CHSY3: variants seen among roughly 807,000 people sequenced by gnomAD.
CHSY3 encodes the protein chondroitin sulfate synthase 3.
CHSY3 carries 35 observed loss-of-function variants against 67.2 expected under a neutral mutation model. The observed-to-expected ratio is 0.52, with a 90% CI of 0.40 to 0.69. The LOEUF (loss-of-function observed/expected upper bound fraction) is 0.69. Ranked by LOEUF, CHSY3 falls within the 30% of genes least tolerant of loss-of-function variation. The probability of loss-of-function intolerance (pLI) is 0.00; values close to 1 mark genes in which losing one functional copy is unlikely to be tolerated. For synonymous variants in CHSY3, 474 were observed against 434.7 expected (o/e 1.09, Z -1.12); for missense variants, 1,069 against 1,138.5 (o/e 0.94, Z 0.88).
intron 2 of CHSY3, among the ~76,000 whole-genome samples, chr5:130,070,574 T>C (rs1766029141): frequency 6.6e-6 from 1 of 152,126 alleles, no homozygotes; most frequent in Non-Finnish European, 1.5e-5. Flanking sequence ...CATAATGCAG[T>C]ATTGAAATAT....
intron 2 of CHSY3, among the ~76,000 whole-genome samples, chr5:129,930,644 T>C (rs1702491244): frequency 6.6e-6 from 1 of 151,766 alleles, no homozygotes; most frequent in Admixed American, 6.6e-5. Context: ...ACATCAAAGC[T>C]GTAGATGAGG....
chr5:130,147,608 A>T (rs928972524), intron 2 of CHSY3, among the ~76,000 whole-genome samples: 2 of 152,148 alleles, frequency 1.3e-5, no homozygotes, highest in African/African-American at 4.8e-5. Context: ...TTACAAAGAA[A>T]ATAAATTTAA....
chr5:130,133,771 T>TAAAAAAAA (rs758023976), intron 2 of CHSY3, among the ~76,000 whole-genome samples: 14 of 58,116 alleles, frequency 2.4e-4, no homozygotes, highest in African/African-American at 1.1e-3. Flanking sequence ...GACTCCGTCT[T>TAAAAAAAA]AAAAAAAAAA....
intron 2 of CHSY3, among the ~76,000 whole-genome samples, chr5:130,127,206 A>G (rs138073734): frequency 1.3e-5 from 2 of 152,240 alleles, no homozygotes; most frequent in Non-Finnish European, 2.9e-5. Flanking sequence ...TCTTGAGCCA[A>G]TCATCATAGA....
intron 2 of CHSY3, among the ~76,000 whole-genome samples, chr5:130,079,521 G>T (rs190194431): frequency 6.6e-6 from 1 of 152,152 alleles, no homozygotes; most frequent in African/African-American, 2.4e-5. Context: ...GAATGCTGTC[G>T]TATGTAGAGT....
chr5:129,993,596 A>G (rs968747059), intron 2 of CHSY3, among the ~76,000 whole-genome samples: 13 of 151,896 alleles, frequency 8.6e-5, no homozygotes, highest in East Asian at 1.9e-4. Context: ...TTTTGAGCCT[A>G]TGTGTGTCTC....
intron 2 of CHSY3, among the ~76,000 whole-genome samples, chr5:130,059,098 G>A (rs559394080): frequency 9.2e-5 from 14 of 152,234 alleles, no homozygotes; most frequent in African/African-American, 3.4e-4. Flanking sequence ...TTATGAGAAA[G>A]CAGATTATCT....
chr5:130,154,905 C>A (rs1293778881), intron 2 of CHSY3, among the ~76,000 whole-genome samples: 1 of 152,140 alleles, frequency 6.6e-6, no homozygotes, highest in African/African-American at 2.4e-5. Flanking sequence ...GCATCCAGAT[C>A]ACCTGGGGAT....
chr5:130,179,038 G>A (rs1209881716), intron 2 of CHSY3, among the ~76,000 whole-genome samples: 1 of 152,140 alleles, frequency 6.6e-6, no homozygotes. Flanking sequence ...CAATTATAGT[G>A]TCCTCCACTT....
intron 2 of CHSY3, among the ~76,000 whole-genome samples, chr5:130,172,000 G>A (rs555287373): frequency 6.6e-6 from 1 of 152,204 alleles, no homozygotes; most frequent in East Asian, 1.9e-4. Context: ...TCAGTGCTGT[G>A]TTCAGTGCTC....
intron 2 of CHSY3, among the ~76,000 whole-genome samples, chr5:130,131,125 T>C (rs1341855548): frequency 4.6e-5 from 7 of 152,236 alleles, no homozygotes; most frequent in Non-Finnish European, 7.3e-5. Flanking sequence ...CAGTTAATAT[T>C]ACATTATAGA....
At chr5:130,026,098 A>G (rs1012511427) in intron 2 of CHSY3, among the ~76,000 whole-genome samples, 1 of 152,174 alleles carries the variant, frequency 6.6e-6, no homozygotes, top group African/African-American at 2.4e-5. Context: ...GTTGCCTCAC[A>G]AGACCATGTT....
intron 2 of CHSY3, among the ~76,000 whole-genome samples, chr5:130,088,528 A>G (rs1464671247): frequency 2.6e-5 from 4 of 152,200 alleles, no homozygotes; most frequent in Admixed American, 2.6e-4. Flanking sequence ...CAGATTTACA[A>G]GAAAAAAACA....
intron 2 of CHSY3, among the ~76,000 whole-genome samples, chr5:130,179,755 G>A (rs559941339): frequency 2.6e-5 from 4 of 151,622 alleles, no homozygotes; most frequent in Non-Finnish European, 4.4e-5. Flanking sequence ...CTTTGTGTCA[G>A]TGTTACACTA....
At chr5:130,074,332 A>G (rs1053331497) in intron 2 of CHSY3, among the ~76,000 whole-genome samples, 9 of 152,056 alleles carry the variant, frequency 5.9e-5, no homozygotes, top group African/African-American at 2.2e-4. Context: ...CAGCCTCCCA[A>G]TGTGCTGGGA....
chr5:129,931,420 C>A (rs914467216), intron 2 of CHSY3, among the ~76,000 whole-genome samples: 1 of 152,016 alleles, frequency 6.6e-6, no homozygotes, highest in Admixed American at 6.6e-5. Flanking sequence ...ATTTTACTAA[C>A]CTTTTAATAA....
chr5:130,027,838 A>G, intron 2 of CHSY3, among the ~76,000 whole-genome samples: 1 of 152,112 alleles, frequency 6.6e-6, no homozygotes, highest in East Asian at 1.9e-4. Flanking sequence ...TCCATGGTGT[A>G]TATGTGCCAC....
At chr5:129,971,034 G>C (rs1455268418) in intron 2 of CHSY3, among the ~76,000 whole-genome samples, 1 of 151,654 alleles carries the variant, frequency 6.6e-6, no homozygotes, top group Non-Finnish European at 1.5e-5. Context: ...CACATTCCTT[G>C]GTGTTCTATT....
chr5:129,917,567 A>T (rs1339760334), intron 2 of CHSY3, among the ~76,000 whole-genome samples: 3 of 152,236 alleles, frequency 2.0e-5, no homozygotes, highest in Non-Finnish European at 4.4e-5. Flanking sequence ...AGTGTATTAG[A>T]AGCCCTTAGA....
Sources: allele counts gnomAD v4.1 joint callset (sites outside exome capture counted in the v4.1 genomes callset), GRCh38; gene constraint gnomAD v4.1.1; transcripts MANE v1.5; gene names NCBI Gene and HGNC (gene_info 2026-07-23, HGNC 2026-07-21).